PHTF2: variants seen among roughly 807,000 people sequenced by gnomAD.
PHTF2 encodes putative homeodomain transcription factor 2.
In PHTF2, 60 loss-of-function variants were observed where a neutral mutation model predicts 101.2. That is an observed-to-expected ratio of 0.59 (90% confidence interval 0.48 to 0.73). The LOEUF (loss-of-function observed/expected upper bound fraction) is 0.73, where lower values mean the gene tolerates loss of function less well. Among genes scored for constraint, PHTF2 ranks in the 30% least tolerant of loss-of-function variants. PHTF2 has a pLI of 0.00. For missense variants in PHTF2, 747 were observed against 908.7 expected, an observed-to-expected ratio of 0.82 and a Z score of 2.29; for synonymous variants, 311 against 307.3, an observed-to-expected ratio of 1.01 and a Z score of -0.13.
intron 1 of PHTF2, among the ~76,000 whole-genome samples, chr7:77,811,145 A>G (rs1322475838): frequency 1.3e-5 from 2 of 151,458 alleles, no homozygotes; most frequent in Non-Finnish European, 3.0e-5. Flanking sequence ...CAAGTGATCC[A>G]CCTGCCTCAG....
chr7:77,897,838 G>A (rs978564029), intron 5 of PHTF2, among the ~76,000 whole-genome samples: 1 of 151,950 alleles, frequency 6.6e-6, no homozygotes, highest in Non-Finnish European at 1.5e-5. Context: ...CCGCTACCAC[G>A]CCTGACTAAT....
intron 3 of PHTF2, among the ~76,000 whole-genome samples, chr7:77,865,440 T>C (rs897162293): frequency 6.6e-6 from 1 of 152,062 alleles, no homozygotes; most frequent in East Asian, 1.9e-4. Context: ...TAGTCAGGCT[T>C]GGTCTCAAAC....
At chr7:77,947,967 T>C (rs1199169140) in intron 16 of PHTF2, among the ~76,000 whole-genome samples, 2 of 150,696 alleles carry the variant, frequency 1.3e-5, no homozygotes, top group East Asian at 4.0e-4. Context: ...GCCTCCTGAG[T>C]AGCTGGGATT....
intron 16 of PHTF2, among the ~76,000 whole-genome samples, chr7:77,948,344 C>G (rs1436438155): frequency 6.6e-6 from 1 of 151,908 alleles, no homozygotes; most frequent in Non-Finnish European, 1.5e-5. Flanking sequence ...GAAGGCTTTA[C>G]ATAATGGAAA....
chr7:77,940,290 A>G (rs752195441), exon 14 of PHTF2: 2 of 1,610,676 alleles, frequency 1.2e-6, no homozygotes, highest in Admixed American at 1.7e-5. Context: ...TAGCAGAAAG[A>G]ACTTATAAAC....
At chr7:77,816,151 T>C (rs1793838258) in intron 1 of PHTF2, among the ~76,000 whole-genome samples, 5 of 152,198 alleles carry the variant, frequency 3.3e-5, no homozygotes, top group Admixed American at 3.3e-4. Context: ...CTTGGCTGGC[T>C]GCAATCTCTG....
At chr7:77,910,208 TA>T in intron 8 of PHTF2, 36 bp from the exon 8 acceptor site, 2 of 1,572,572 alleles carry the variant, frequency 1.3e-6, no homozygotes, top group Non-Finnish European at 8.6e-7. Flanking sequence ...ATTAAAATAT[TA>T]AAGCTGCCTT....
chr7:77,876,406 T>C (rs1798946920), intron 3 of PHTF2, among the ~76,000 whole-genome samples: 2 of 152,230 alleles, frequency 1.3e-5, no homozygotes, highest in Admixed American at 1.3e-4. Flanking sequence ...TTTTTATAAA[T>C]GCGTCTGTGG....
At chr7:77,945,951 GAT>G (rs1806017702) in intron 16 of PHTF2, among the ~76,000 whole-genome samples, 2 of 152,094 alleles carry the variant, frequency 1.3e-5, no homozygotes, top group Admixed American at 6.5e-5. Flanking sequence ...AGGAAAAGGG[GAT>G]ATTCTTCAAC....
At chr7:77,809,458 T>C (rs1401704744) in intron 1 of PHTF2, among the ~76,000 whole-genome samples, 1 of 151,854 alleles carries the variant, frequency 6.6e-6, no homozygotes, top group Non-Finnish European at 1.5e-5. Context: ...AATTCCTGAG[T>C]TTAGGTGATC....
intron 3 of PHTF2, among the ~76,000 whole-genome samples, chr7:77,879,585 G>A (rs755652537): frequency 3.3e-5 from 5 of 151,994 alleles, no homozygotes; most frequent in Non-Finnish European, 7.4e-5. Flanking sequence ...GAATGTTTTT[G>A]TTTTCCTGGG....
At chr7:77,954,612 G>GTATATA (rs66540211) in intron 19 of PHTF2, among the ~76,000 whole-genome samples, 1,360 of 90,064 alleles carry the variant, frequency 0.015, 18 homozygotes, top group African/African-American at 0.034. Flanking sequence ...CAAGTACTGT[G>GTATATA]TATATATATA....
intron 1 of PHTF2, among the ~76,000 whole-genome samples, chr7:77,829,490 C>T (rs1794924328): frequency 1.3e-5 from 2 of 152,052 alleles, no homozygotes; most frequent in Non-Finnish European, 2.9e-5. Context: ...CAAATATTTC[C>T]ATGAAATATT....
intron 1 of PHTF2, among the ~76,000 whole-genome samples, chr7:77,814,658 C>T (rs889833110): frequency 2.6e-5 from 4 of 151,872 alleles, no homozygotes; most frequent in Admixed American, 1.3e-4. Flanking sequence ...ATTACAGGCA[C>T]GCGCCACCGC....
chr7:77,952,386 G>T (rs1020503524), intron 18 of PHTF2, among the ~76,000 whole-genome samples: 2 of 152,134 alleles, frequency 1.3e-5, no homozygotes, highest in African/African-American at 4.8e-5. Flanking sequence ...TAATTCTTCA[G>T]TCAACTAAAC....
intron 3 of PHTF2, among the ~76,000 whole-genome samples, chr7:77,880,085 T>C (rs1436407008): frequency 6.6e-6 from 1 of 152,220 alleles, no homozygotes; most frequent in Non-Finnish European, 1.5e-5. Context: ...TATGACTTTT[T>C]CCCAACAATA....
chr7:77,849,526 G>A (rs956361070), intron 2 of PHTF2, among the ~76,000 whole-genome samples: 1 of 152,094 alleles, frequency 6.6e-6, no homozygotes. Flanking sequence ...CACTCAGAAT[G>A]TCTGACTATT....
intron 3 of PHTF2, among the ~76,000 whole-genome samples, chr7:77,859,833 C>G (rs1490845232): frequency 6.6e-6 from 1 of 152,140 alleles, no homozygotes; most frequent in Admixed American, 6.5e-5. Context: ...CTTTGGCCTC[C>G]CAAAGTGCTG....
chr7:77,816,545 G>A (rs1793871379), intron 1 of PHTF2, among the ~76,000 whole-genome samples: 1 of 152,164 alleles, frequency 6.6e-6, no homozygotes, highest in Non-Finnish European at 1.5e-5. Flanking sequence ...GTAATGTATA[G>A]TGATCAGATC....
Sources: allele counts gnomAD v4.1 joint callset (sites outside exome capture counted in the v4.1 genomes callset), GRCh38; gene constraint gnomAD v4.1.1; transcripts MANE v1.5; gene names NCBI Gene and HGNC (gene_info 2026-07-23, HGNC 2026-07-21).